TSGA10IP: variants seen among roughly 807,000 people sequenced by gnomAD.
TSGA10IP encodes testis specific 10 interacting protein.
TSGA10IP carries 64 observed loss-of-function variants against 63.2 expected under a neutral mutation model. That is an observed-to-expected ratio of 1.01 (90% CI 0.83 to 1.25). The LOEUF (loss-of-function observed/expected upper bound fraction) is 1.25, where lower values mean the gene tolerates loss of function less well. Among genes scored for constraint, TSGA10IP ranks in the 50% most tolerant of loss-of-function variants. The pLI, the probability that TSGA10IP is intolerant of heterozygous loss-of-function variation, is 0.00. For missense variants in TSGA10IP, 681 were observed against 710.1 expected, an observed-to-expected ratio of 0.96 and a Z score of 0.47; for synonymous variants, 316 against 298.3, an observed-to-expected ratio of 1.06 and a Z score of -0.61.
At position 65,948,014 on chromosome 11, in the gene TSGA10IP, G is replaced by A. The variant is rs374334957; in HGVS notation, c.1017G>A (p.Leu339=). 41 of 1,561,936 alleles carry A rather than the reference G, an allele frequency of 2.6e-5. No individual in the cohort carries two copies. In the African/African-American group the frequency reaches 4.8e-4, roughly 18 times the overall value. ...CACTGTGGGCAGGCCCCCAAAAGCT[G>A]CCCTGGAAGACTTTGAGGGCTGCCT... The change falls in exon 4 of 8, where the codon CTG becomes CTA. Residue 339 remains leucine (L), a synonymous_variant. Coordinates refer to ENST00000532620, the Ensembl canonical transcript of TSGA10IP.
exon 8 of TSGA10IP, chr11:65,959,898 C>A: frequency 6.2e-7 from 1 of 1,612,480 alleles, no homozygotes. Context: ...GCCAGCCTGA[C>A]AGGCACTACA....
rs368588379 is a variant in TSGA10IP at position 65,959,954 on chromosome 11, G to C, written c.*14G>C. The C allele has an allele frequency of 3.1e-6, 5 of 1,612,576 alleles. No homozygotes were observed. The South Asian group carries it at 3.3e-5, about 11-fold the overall frequency. ...TGCAGTCCCTGAGATAAAATTAAAG[G>C]CTTTATGGCAAACACAGTATGAGAT... is the stretch of plus-strand genomic sequence containing the variant. On this transcript the variant is annotated 3_prime_UTR_variant, in exon 8 of 8. Transcript: ENST00000532620.
At position 65,953,740 on chromosome 11, in the gene TSGA10IP, A is replaced by G. The variant is rs764903727; in HGVS notation, c.1322+3A>G. 2 of 1,514,006 alleles carry G rather than the reference A, an allele frequency of 1.3e-6. No individual in the cohort carries two copies. The highest frequency in any genetic ancestry group is 4.9e-5 in the East Asian group (2 of 40,584). 93.8% of individuals were successfully genotyped at this position (1,514,006 alleles called of 1,614,324 possible). On this transcript the variant is annotated splice_donor_region_variant and intron_variant, in intron 5 of 7. Coordinates refer to ENST00000532620, the Ensembl canonical transcript of TSGA10IP. ...CAGCGCAAGCTGGAGGAGCTGAGGTAGGGAGCCTGGGCTTCGGGAGGCCTG... is the reference window on the plus strand; with the variant it reads ...CAGCGCAAGCTGGAGGAGCTGAGGTGGGGAGCCTGGGCTTCGGGAGGCCTG...
At chr11:65,946,813 G>C (rs1854842606) in intron 1 of TSGA10IP, 67 bp from the exon 2 acceptor site, 2 of 1,549,994 alleles carry the variant, frequency 1.3e-6, no homozygotes, top group Non-Finnish European at 1.8e-6. Context: ...GGAGCACCCG[G>C]GTGAGGTGCA....
At chr11:65,958,179 A>G (rs191611031) in intron 5 of TSGA10IP, among the ~76,000 whole-genome samples, 1 of 152,278 alleles carries the variant, frequency 6.6e-6, no homozygotes, top group African/African-American at 2.4e-5. Context: ...TCTTGGGCTC[A>G]AGTGATCCAC....
chr11:65,947,741 C>T lies in TSGA10IP; in HGVS notation c.916C>T (p.Gln306Ter), dbSNP rs1456240041. The T allele has an allele frequency of 6.3e-7, 1 of 1,591,276 alleles. No homozygotes were observed. Among genetic ancestry groups the T allele is most frequent in the Non-Finnish European group, 8.6e-7 (1 of 1,169,050 alleles). The stretch of plus-strand genomic sequence containing the variant: ...CAGCTTCAACAACCTCCGAAGGCGA[C>T]AATGGAGGAAGACAAGGGCCAAGGA... Residue 306 changes from glutamine (Q) to a stop codon, truncating the protein, a stop_gained, in exon 3 of 8, where the codon CAA (glutamine) becomes TAA (stop). Transcript: ENST00000532620. LOFTEE classifies it high-confidence loss of function.
intron 5 of TSGA10IP, among the ~76,000 whole-genome samples, chr11:65,958,134 AG>A (rs1184541861): frequency 1.3e-5 from 2 of 152,068 alleles, no homozygotes; most frequent in Non-Finnish European, 2.9e-5. Flanking sequence ...TTGTAGAGAC[AG>A]GATTTCACCA....
rs373515115 is a variant in TSGA10IP at position 65,947,245 on chromosome 11, G to C, written c.420G>C (p.Ser140=). 5.0e-6 allele frequency: 8 copies of C among 1,610,328 alleles called. No homozygotes were observed. In the African/African-American group the frequency reaches 9.4e-5, roughly 19 times the overall value. Residue 140 remains serine (S), a synonymous_variant, in exon 3 of 8, where the codon TCG becomes TCC. Transcript: ENST00000532620. ...ACCAAGCCCTGCCCATGCCCTCCTC[G>C]TTCTCCCAGCGTCAGTCCAGGCGCA...
chr11:65,958,411 C>T (rs1247274755), intron 5 of TSGA10IP, among the ~76,000 whole-genome samples: 1 of 152,178 alleles, frequency 6.6e-6, no homozygotes, highest in East Asian at 1.9e-4. Flanking sequence ...TGTCCGATCC[C>T]TACTATAGCA....
exon 3 of TSGA10IP, chr11:65,947,139 C>T (rs1854850300): frequency 6.2e-7 from 1 of 1,612,070 alleles, no homozygotes; most frequent in Non-Finnish European, 8.5e-7. Context: ...CGGAAACCCT[C>T]CTTCCCCTTC....
intron 4 of TSGA10IP, among the ~76,000 whole-genome samples, chr11:65,950,867 C>G (rs532123187): frequency 9.2e-5 from 14 of 152,208 alleles, no homozygotes; most frequent in African/African-American, 3.4e-4. Flanking sequence ...TGGCTGCTGG[C>G]TAATTTTTAA....
At chr11:65,952,060 G>A (rs954448557) in intron 4 of TSGA10IP, among the ~76,000 whole-genome samples, 1 of 151,982 alleles carries the variant, frequency 6.6e-6, no homozygotes, top group Non-Finnish European at 1.5e-5. Context: ...CACCATGTTG[G>A]CCAGACTAGT....
At chr11:65,950,316 TCC>T (rs1470864676) in intron 4 of TSGA10IP, among the ~76,000 whole-genome samples, 1 of 152,110 alleles carries the variant, frequency 6.6e-6, no homozygotes, top group Non-Finnish European at 1.5e-5. Context: ...GACCAACATC[TCC>T]CTTCTTCTCC....
At chr11:65,948,842 G>T (rs190769622) in intron 4 of TSGA10IP, among the ~76,000 whole-genome samples, 72 of 150,910 alleles carry the variant, frequency 4.8e-4, no homozygotes, top group African/African-American at 1.7e-3. Flanking sequence ...AAGTATGGTG[G>T]TGTGTGCCTG....
At chr11:65,946,516 C>G (rs1854837114) in intron 1 of TSGA10IP, among the ~76,000 whole-genome samples, 1 of 152,096 alleles carries the variant, frequency 6.6e-6, no homozygotes, top group Admixed American at 6.5e-5. Context: ...ACTGCAGCCT[C>G]CAACTCCTAG....
rs1487137724 is a variant in TSGA10IP, at chr11:65,947,502, A to C, written c.677A>C (p.Glu226Ala). 1.6e-5 allele frequency: 26 copies of C among 1,613,240 alleles called. No individual in the cohort carries two copies. Among genetic ancestry groups the C allele is most frequent in the Non-Finnish European group, 2.1e-5 (25 of 1,179,444 alleles). The change falls in exon 3 of 8, where the codon GAG becomes GCG. Residue 226 changes from glutamate to alanine, a missense_variant. By Grantham distance (107) the Glu-to-Ala change is moderately radical. Transcript: ENST00000532620. ...CAAAGCCTGGGTGCTGAGGAGGCCGAGAGGGGTCTGAGTTCTGGGGTGCTG... is the reference window on the plus strand; with the variant it reads ...CAAAGCCTGGGTGCTGAGGAGGCCGCGAGGGGTCTGAGTTCTGGGGTGCTG...
At chr11:65,948,002 C>G in exon 4 of TSGA10IP, 1 of 1,558,278 alleles carries the variant, frequency 6.4e-7, no homozygotes, top group Non-Finnish European at 8.7e-7. Context: ...TGTGGGCAGG[C>G]CCCCAAAAGC....
At chr11:65,954,504 G>A (rs148312333) in intron 5 of TSGA10IP, among the ~76,000 whole-genome samples, 34 of 152,052 alleles carry the variant, frequency 2.2e-4, no homozygotes, top group African/African-American at 8.2e-4. Context: ...CAGATTTGTG[G>A]GCAAACGTTT....
chr11:65,948,166 G>A lies in TSGA10IP; in HGVS notation c.1151+18G>A, dbSNP rs1282228650. On this transcript the variant is annotated intron_variant, in intron 4 of 7. Coordinates refer to ENST00000532620, the Ensembl canonical transcript of TSGA10IP. Reference sequence around the variant, plus strand: ...GCCACCAGGTAAGAGGGAAGAGAAGGGAGTGGGAGCCCAGAATGAGAAGTA... The same window carrying A: ...GCCACCAGGTAAGAGGGAAGAGAAGAGAGTGGGAGCCCAGAATGAGAAGTA... The A allele has an allele frequency of 6.3e-7, 1 of 1,596,204 alleles. No homozygotes were observed. The highest frequency in any genetic ancestry group is 8.5e-7 in the Non-Finnish European group (1 of 1,171,890).
Sources: gnomAD v4.1 joint callset for allele counts (sites outside exome capture counted in the v4.1 genomes callset) on GRCh38, gnomAD v4.1.1 for gene constraint, MANE v1.5 for transcripts, NCBI Gene and HGNC (gene_info 2026-07-23, HGNC 2026-07-21) for gene names.